Variants in C17orf113 observed in about 807,000 individuals in gnomAD.
C17orf113 encodes chromosome 17 open reading frame 113.
Under a neutral mutation model 11.6 loss-of-function variants are expected in C17orf113, and 5 were observed. That is an observed-to-expected ratio of 0.43 (90% CI 0.23 to 0.91). The LOEUF is 0.91. Among genes scored for constraint, C17orf113 ranks in the 40% least tolerant of loss-of-function variants. The pLI is 0.26. For missense variants in C17orf113, 714 were observed against 841.3 expected (o/e 0.85, Z 1.87); for synonymous variants, 327 against 390.6 (o/e 0.84, Z 1.92).
At position 42,042,979 on chromosome 17, in the gene C17orf113, G is replaced by A. The variant is rs1473840840; in HGVS notation, c.398C>T (p.Thr133Ile). 1.6e-6 allele frequency: 2 copies of A among 1,232,326 alleles called. No individual in the cohort carries two copies. Among genetic ancestry groups the A allele is most frequent in the African/African-American group, 3.1e-5 (2 of 64,422 alleles). The allele number at this position is 1,232,326 out of a possible 1,614,324, so 76.3% of individuals were successfully genotyped here. A position where few individuals can be genotyped will look rare whatever the true frequency, so the allele number is the denominator to read the frequency against. Residue 133 changes from threonine to isoleucine, a missense_variant, in exon 2 of 3, where the codon ACT becomes ATT. This residue lies in a region of C17orf113 where 516 missense variants were observed against 626.6 expected (regional missense o/e 0.82). Transcript: ENST00000587304. ...CTCCTTTGCCATGCAGTACACAGTAGTCAGCACAGCCACTTTGGCCGGGTC... is the reference window on the plus strand; with the variant it reads ...CTCCTTTGCCATGCAGTACACAGTAATCAGCACAGCCACTTTGGCCGGGTC... ...ELDPAKVAVL[T>I]TVYCMAKEDV... is the part of the protein sequence containing the mutation.
intron 1 of C17orf113, among the ~76,000 whole-genome samples, chr17:42,047,234 A>G (rs1232779101): frequency 2.6e-5 from 4 of 151,938 alleles, no homozygotes; most frequent in African/African-American, 9.7e-5. Flanking sequence ...GGGTTTCACC[A>G]TGTTAGCCAG....
At position 42,040,137 on chromosome 17, in the gene C17orf113, C is replaced by G. The variant is rs1234411659; in HGVS notation, c.1596G>C (p.Glu532Asp). 1 of 1,231,348 alleles carries G rather than the reference C, an allele frequency of 8.1e-7. No homozygotes were observed. The highest frequency in any genetic ancestry group is 1.6e-5 in the African/African-American group (1 of 64,420). The allele number at this position is 1,231,348 out of a possible 1,614,324, so 76.3% of individuals were successfully genotyped here. A position where few individuals can be genotyped will look rare whatever the true frequency, so the allele number is the denominator to read the frequency against. ...DPRRYPQAPE[E>D]LGTHGEGALR... ...GCGCCCCCTCGCCATGCGTGCCCAG[C>G]TCCTCCGGCGCCTGCGGGTAGCGTC... is the stretch of plus-strand genomic sequence containing the variant. Residue 532 changes from glutamate to aspartate, a missense_variant, in exon 3 of 3, where the codon GAG becomes GAC. Transcript: ENST00000587304.
chr17:42,041,036 C>T lies in C17orf113; in HGVS notation c.697G>A (p.Ala233Thr), dbSNP rs886986088. 1.5e-5 allele frequency: 18 copies of T among 1,232,200 alleles called. No individual in the cohort carries two copies. In the Middle Eastern group the frequency reaches 1.2e-3, roughly 85 times the overall value. The allele number at this position is 1,232,200 out of a possible 1,614,324, so 76.3% of individuals were successfully genotyped here. A position where few individuals can be genotyped will look rare whatever the true frequency, so the allele number is the denominator to read the frequency against. ...TSVSPCDGQP[A>T]TTFLGSVELQ... ...TCCACACTGCCCAGGAAGGTGGTGGCGGGCTGGCCATCACAGGGGGACACT... is the reference window on the plus strand; with the variant it reads ...TCCACACTGCCCAGGAAGGTGGTGGTGGGCTGGCCATCACAGGGGGACACT... Residue 233 changes from alanine to threonine, a missense_variant, in exon 3 of 3, where the codon GCC becomes ACC. Physicochemically the swap from Ala to Thr is moderately conservative, Grantham distance 58. Transcript: ENST00000587304.
Position 42,040,740 on chromosome 17 carries a change from C to G in C17orf113, c.993G>C (p.Leu331Phe). The G allele has an allele frequency of 1.6e-6, 2 of 1,232,382 alleles. No homozygotes were observed. The highest frequency in any genetic ancestry group is 2.0e-6 in the Non-Finnish European group (2 of 988,122). The allele number at this position is 1,232,382 out of a possible 1,614,324, so 76.3% of individuals were successfully genotyped here. The change falls in exon 3 of 3, where the codon TTG becomes TTC. Residue 331 changes from leucine (L) to phenylalanine (F), a missense_variant. Leu to Phe is a conservative substitution (Grantham distance 22). Coordinates refer to ENST00000587304, the MANE Select transcript of C17orf113 (RefSeq NM_001358661.2). ...CCAGTGCTGCCCGGAGCTCAGGGAC[C>G]AAGTGGGAACTAGGGCCACCATGGA... ...FRLHGGPSSH[L>F]VPELRAALDL...
intron 1 of C17orf113, among the ~76,000 whole-genome samples, chr17:42,044,648 C>T (rs1260504251): frequency 6.6e-6 from 1 of 151,834 alleles, no homozygotes; most frequent in Non-Finnish European, 1.5e-5. Flanking sequence ...AAGAAATCAG[C>T]AGAAAGCTGA....
At position 42,041,082 on chromosome 17, in the gene C17orf113, G is replaced by C. The variant is rs1298676687; in HGVS notation, c.651C>G (p.Ser217Arg). The change falls in exon 3 of 3, where the codon AGC becomes AGG. Residue 217 changes from serine (S) to arginine (R), a missense_variant. Ser to Arg is a moderately radical substitution (Grantham distance 110, BLOSUM62 -1). Transcript: ENST00000587304. ...DETRDWPESH[S>R]LALFATSVSP... ...ACACTGAAGTGGCAAACAGGGCCAG[G>C]CTGTGTGACTCCGGCCAGTCTCTGG... 2 of 1,232,282 alleles carry C rather than the reference G, an allele frequency of 1.6e-6. No homozygotes were observed. The highest frequency in any genetic ancestry group is 3.1e-5 in the African/African-American group (2 of 64,436). The allele number at this position is 1,232,282 out of a possible 1,614,324, so 76.3% of individuals were successfully genotyped here.
rs2053074071 is a variant in C17orf113, at chr17:42,043,346, C to CT, written c.30dup (p.Glu11ArgfsTer10). 1 of 1,232,148 alleles carries CT rather than the reference C, an allele frequency of 8.1e-7. No homozygotes were observed. The highest frequency in any genetic ancestry group is 1.0e-6 in the Non-Finnish European group (1 of 988,036). The allele number at this position is 1,232,148 out of a possible 1,614,324, so 76.3% of individuals were successfully genotyped here. ...CACTTCTTGTTGGAGTTGGAGGCCTCTCCCGCTGGTTTCTTCCCTGGGGGC... is the reference window on the plus strand; with the variant it reads ...CACTTCTTGTTGGAGTTGGAGGCCTCTTCCCGCTGGTTTCTTCCCTGGGGGC... On this transcript the variant is annotated frameshift_variant, in exon 2 of 3. Coordinates refer to ENST00000587304, the MANE Select transcript of C17orf113 (RefSeq NM_001358661.2). LOFTEE classifies it high-confidence loss of function.
intron 1 of C17orf113, among the ~76,000 whole-genome samples, chr17:42,045,207 G>A (rs545699971): frequency 5.9e-5 from 9 of 151,834 alleles, no homozygotes; most frequent in South Asian, 4.2e-4. Context: ...GTGAGCCACC[G>A]CGCCCAGCCA....
intron 2 of C17orf113, among the ~76,000 whole-genome samples, chr17:42,041,850 T>C (rs1445557214): frequency 6.6e-6 from 1 of 152,160 alleles, no homozygotes; most frequent in Non-Finnish European, 1.5e-5. Context: ...CCAGGGGCCA[T>C]GTGAGTGATA....
chr17:42,040,005 C>G lies in C17orf113; in HGVS notation c.1728G>C (p.Pro576=). 4 of 1,231,034 alleles carry G rather than the reference C, an allele frequency of 3.2e-6. No homozygotes were observed. Among genetic ancestry groups the G allele is most frequent in the Non-Finnish European group, 4.1e-6 (4 of 987,464 alleles). The allele number at this position is 1,231,034 out of a possible 1,614,324, so 76.3% of individuals were successfully genotyped here. A position where few individuals can be genotyped will look rare whatever the true frequency, so the allele number is the denominator to read the frequency against. The change falls in exon 3 of 3, where the codon CCG becomes CCC. Residue 576 remains proline, a synonymous_variant. Transcript: ENST00000587304. ...RVVFGLGRLG[P]RALCTQLACA... ...ACGCCAGCTGGGTGCACAGGGCCCG[C>G]GGGCCGAGCCGCCCAAGGCCGAATA...
rs559123740 is a variant in C17orf113, at chr17:42,040,584, A to C, written c.1149T>G (p.Pro383=). The C allele has an allele frequency of 1.2e-5, 15 of 1,232,628 alleles. No individual in the cohort carries two copies. In the East Asian group the frequency reaches 4.7e-4, roughly 39 times the overall value. 76.4% of individuals were successfully genotyped at this position (1,232,628 alleles called of 1,614,324 possible). ...PTLEAAALAS[P]VAGSLALALR... is the part of the protein sequence containing the mutation. ...GGGCCAGGGCCAGTGACCCCGCCAC[A>C]GGTGAGGCAAGGGCTGCAGCCTCCA... Residue 383 remains proline, a synonymous_variant, in exon 3 of 3, where the codon CCT becomes CCG. Coordinates refer to ENST00000587304, the MANE Select transcript of C17orf113 (RefSeq NM_001358661.2).
At position 42,043,038 on chromosome 17, in the gene C17orf113, C is replaced by T. The variant is rs999747661; in HGVS notation, c.339G>A (p.Thr113=). Residue 113 remains threonine, a synonymous_variant, in exon 2 of 3, where the codon ACG becomes ACA. Transcript: ENST00000587304. ...CCTTGACGCCCCTGGAGGCAGGGGT[C>T]GTAGCCAGGCCTGGGCAGGCCCCTC... ...EGGGACPGLA[T]TPASRGVKVE... 27 of 1,232,178 alleles carry T rather than the reference C, an allele frequency of 2.2e-5. No homozygotes were observed. Among genetic ancestry groups the T allele is most frequent in the Non-Finnish European group, 2.6e-5 (26 of 988,090 alleles). The allele number at this position is 1,232,178 out of a possible 1,614,324, so 76.3% of individuals were successfully genotyped here.
intron 1 of C17orf113, among the ~76,000 whole-genome samples, chr17:42,045,780 A>T (rs2053147578): frequency 6.6e-6 from 1 of 152,256 alleles, no homozygotes; most frequent in Admixed American, 6.5e-5. Flanking sequence ...CAGCAAGCTC[A>T]CACATAGATC....
Position 42,040,601 on chromosome 17 carries a change from C to T in C17orf113, c.1132G>A (p.Ala378Thr), listed in dbSNP as rs1213003021. 1.5e-5 allele frequency: 18 copies of T among 1,232,414 alleles called. No individual in the cohort carries two copies. Among genetic ancestry groups the T allele is most frequent in the Admixed American group, 4.2e-5 (1 of 23,728 alleles). 76.3% of individuals were successfully genotyped at this position (1,232,414 alleles called of 1,614,324 possible). Residue 378 changes from alanine to threonine, a missense_variant, in exon 3 of 3, where the codon GCA (alanine) becomes ACA (threonine). Ala to Thr is a moderately conservative substitution (Grantham distance 58, BLOSUM62 0). Coordinates refer to ENST00000587304, the MANE Select transcript of C17orf113 (RefSeq NM_001358661.2). ...WPGLVPTLEA[A>T]ALASPVAGSL... is the part of the protein sequence containing the mutation. The stretch of plus-strand genomic sequence containing the variant: ...CCCGCCACAGGTGAGGCAAGGGCTG[C>T]AGCCTCCAGGGTGGGCACCAGGCCA...
intron 1 of C17orf113, among the ~76,000 whole-genome samples, chr17:42,046,887 C>T (rs1191652160): frequency 6.8e-6 from 1 of 147,646 alleles, no homozygotes; most frequent in East Asian, 2.0e-4. Context: ...TTAATTGAGA[C>T]AGTTTCACTG....
In C17orf113 at chr17:42,040,786, A is replaced by G; in HGVS notation, c.947T>C (p.Ile316Thr). The change falls in exon 3 of 3, where the codon ATA becomes ACA. Residue 316 changes from isoleucine to threonine, a missense_variant. Transcript: ENST00000587304. ...PPAYLGQYES[I>T]LDALFRLHGG... Reference sequence around the variant, plus strand: ...ATGGAGGCGGAATAGGGCATCCAATATGCTCTCATATTGACCCAAGTAGGC... The same window carrying G: ...ATGGAGGCGGAATAGGGCATCCAATGTGCTCTCATATTGACCCAAGTAGGC... The G allele has an allele frequency of 8.1e-7, 1 of 1,232,312 alleles. No individual in the cohort carries two copies. The highest frequency in any genetic ancestry group is 1.0e-6 in the Non-Finnish European group (1 of 988,048). The allele number at this position is 1,232,312 out of a possible 1,614,324, so 76.3% of individuals were successfully genotyped here. A position where few individuals can be genotyped will look rare whatever the true frequency, so the allele number is the denominator to read the frequency against.
Position 42,040,008 on chromosome 17 carries a change from G to T in C17orf113, c.1725C>A (p.Gly575=). Reference sequence around the variant, plus strand: ...CCAGCTGGGTGCACAGGGCCCGCGGGCCGAGCCGCCCAAGGCCGAATACTA... The same window carrying T: ...CCAGCTGGGTGCACAGGGCCCGCGGTCCGAGCCGCCCAAGGCCGAATACTA... ...KRVVFGLGRL[G]PRALCTQLAC... The change falls in exon 3 of 3, where the codon GGC becomes GGA. Residue 575 remains glycine (G), a synonymous_variant. Transcript: ENST00000587304. The T allele has an allele frequency of 8.1e-7, 1 of 1,231,058 alleles. No individual in the cohort carries two copies. The highest frequency in any genetic ancestry group is 1.0e-6 in the Non-Finnish European group (1 of 987,476). The allele number at this position is 1,231,058 out of a possible 1,614,324, so 76.3% of individuals were successfully genotyped here.
At chr17:42,048,579 T>C (rs1455517980) in intron 1 of C17orf113, among the ~76,000 whole-genome samples, 1 of 151,996 alleles carries the variant, frequency 6.6e-6, no homozygotes, top group African/African-American at 2.4e-5. Flanking sequence ...TATGCCCCTC[T>C]CCCAATCATC....
In C17orf113 at chr17:42,040,128, C is replaced by A. The variant is rs2052978145; in HGVS notation, c.1605G>T (p.Thr535=). ...RYPQAPEELG[T]HGEGALRVLL... ...GCACCCGCAGCGCCCCCTCGCCATG[C>A]GTGCCCAGCTCCTCCGGCGCCTGCG... Residue 535 remains threonine (T), a synonymous_variant, in exon 3 of 3, where the codon ACG becomes ACT. Coordinates refer to ENST00000587304, the MANE Select transcript of C17orf113 (RefSeq NM_001358661.2). The A allele has an allele frequency of 4.9e-6, 6 of 1,231,318 alleles. No individual in the cohort carries two copies. The highest frequency in any genetic ancestry group is 4.7e-5 in the African/African-American group (3 of 64,414). The allele number at this position is 1,231,318 out of a possible 1,614,324, so 76.3% of individuals were successfully genotyped here.
Sources: gnomAD v4.1 joint callset for allele counts (sites outside exome capture counted in the v4.1 genomes callset) on GRCh38, gnomAD v4.1.1 for gene constraint, gnomAD v4.1.1 regional missense constraint, MANE v1.5 for transcripts, NCBI Gene and HGNC (gene_info 2026-07-23, HGNC 2026-07-21) for gene names.